The following FNDC1 variants were observed in gnomAD, a reference collection of about 807,000 sequenced individuals.
FNDC1 encodes fibronectin type III domain-containing protein 1.
FNDC1 carries 96 observed loss-of-function variants against 168.0 expected under a neutral mutation model. The ratio of observed to expected loss-of-function variants is 0.57; its 90% CI spans 0.48 to 0.68. The LOEUF (loss-of-function observed/expected upper bound fraction) is 0.68, where lower values mean the gene tolerates loss of function less well. Ranked by LOEUF, FNDC1 falls within the 30% of genes least tolerant of loss-of-function variation. The probability of loss-of-function intolerance (pLI) is 0.00; values close to 1 mark genes in which losing one functional copy is unlikely to be tolerated. For missense variants in FNDC1, 2,587 were observed against 2,482.1 expected (o/e 1.04, Z -0.90); for synonymous variants, 1,099 against 1,025.9 (o/e 1.07, Z -1.36).
chr6:159,231,919 T>C lies in FNDC1; in HGVS notation c.1407T>C (p.Asn469=), dbSNP rs1190922706. The C allele has an allele frequency of 1.2e-6, 2 of 1,612,616 alleles. No individual in the cohort carries two copies. Among genetic ancestry groups the C allele is most frequent in the Non-Finnish European group, 1.7e-6 (2 of 1,179,530 alleles). ...ATGTTGAGCAGAACACGGAGGACAA[T>C]GGGAAACCCGAAAAACCTGAGCCTT... ...KADVEQNTED[N]GKPEKPEPSS... is the part of the protein sequence containing the mutation. The change falls in exon 11 of 23, where the codon AAT becomes AAC. Residue 469 remains asparagine (N), a synonymous_variant. Transcript: ENST00000297267.
chr6:159,212,303 TAA>T (rs1275558938), intron 4 of FNDC1, among the ~76,000 whole-genome samples: 2 of 152,234 alleles, frequency 1.3e-5, no homozygotes, highest in Non-Finnish European at 2.9e-5. Flanking sequence ...GTTTTCAAGA[TAA>T]AAGACTTACA....
intron 1 of FNDC1, among the ~76,000 whole-genome samples, chr6:159,191,066 G>A (rs921352781): frequency 1.3e-5 from 2 of 152,164 alleles, no homozygotes; most frequent in Non-Finnish European, 2.9e-5. Flanking sequence ...GAACGTCTAC[G>A]ATGGTGGAGC....
chr6:159,191,536 A>G (rs866344502), intron 1 of FNDC1, among the ~76,000 whole-genome samples: 1 of 152,190 alleles, frequency 6.6e-6, no homozygotes, highest in Non-Finnish European at 1.5e-5. Context: ...TTGTTAGTGG[A>G]TTTTTTGAAA....
In FNDC1 at chr6:159,249,179, G is replaced by T. The variant is rs775610995; in HGVS notation, c.4831G>T (p.Val1611Phe). 8 of 1,608,854 alleles carry T rather than the reference G, an allele frequency of 5.0e-6. No individual in the cohort carries two copies. The highest frequency in any genetic ancestry group is 6.8e-6 in the Non-Finnish European group (8 of 1,178,154). Reference protein sequence around the residue: ...EFDLAGRKRFVAPYVTYLNKD... With the variant: ...EFDLAGRKRFFAPYVTYLNKD... The stretch of plus-strand genomic sequence containing the variant: ...TGATCTGGCTGGAAGGAAACGATTT[G>T]TTGGTAAATATAATGTCCTTAATCA... The change falls in exon 16 of 23, where the codon GTT becomes TTT. Residue 1611 changes from valine (V) to phenylalanine (F), a missense_variant. Coordinates refer to ENST00000297267, the MANE Select transcript of FNDC1 (RefSeq NM_032532.3).
Position 159,234,264 on chromosome 6 carries a change from C to A in FNDC1, c.3752C>A (p.Ser1251Tyr), listed in dbSNP as rs915463869. 16 of 1,593,380 alleles carry A rather than the reference C, an allele frequency of 1.0e-5. No individual in the cohort carries two copies. The highest frequency in any genetic ancestry group is 1.4e-5 in the Non-Finnish European group (16 of 1,170,126). ...KRPLPPPPGS[S>Y]PRASHVPSRL... is the part of the protein sequence containing the mutation. ...CCTCTCCCCCCACCTCCAGGCAGCTCCCCCAGGGCCTCCCACGTCCCTTCC... is the reference window on the plus strand; with the variant it reads ...CCTCTCCCCCCACCTCCAGGCAGCTACCCCAGGGCCTCCCACGTCCCTTCC... Residue 1251 changes from serine to tyrosine, a missense_variant, in exon 11 of 23, where the codon TCC (serine) becomes TAC (tyrosine). Physicochemically the swap from Ser to Tyr is moderately radical, Grantham distance 144. Coordinates refer to ENST00000297267, the MANE Select transcript of FNDC1 (RefSeq NM_032532.3).
In FNDC1 at chr6:159,233,271, A is replaced by G. The variant is rs372300998; in HGVS notation, c.2759A>G (p.His920Arg). The change falls in exon 11 of 23, where the codon CAT becomes CGT. Residue 920 changes from histidine (H) to arginine (R), a missense_variant. By Grantham distance (29) the His-to-Arg change is conservative. Transcript: ENST00000297267. This position sits in a 1 kb window ranked among gnomAD's most constrained non-coding sequence, Gnocchi z 4.6. Reference sequence around the variant, plus strand: ...AGCCCGCAGAGAGGGGCCAGCCTGCATCGGAAGGAACCCATCCCAGAGAAC... The same window carrying G: ...AGCCCGCAGAGAGGGGCCAGCCTGCGTCGGAAGGAACCCATCCCAGAGAAC... ...RRSPQRGASL[H>R]RKEPIPENPK... 4.3e-5 allele frequency: 70 copies of G among 1,613,972 alleles called. 1 individual carries two copies. In the African/African-American group the frequency reaches 7.9e-4, roughly 18 times the overall value.
intron 1 of FNDC1, among the ~76,000 whole-genome samples, chr6:159,188,460 C>T (rs1303464680): frequency 5.9e-5 from 9 of 151,316 alleles, no homozygotes; most frequent in Admixed American, 3.3e-4. Context: ...CTGCAAGCTC[C>T]GCCTCCCGGG....
rs1777258470 is a variant in FNDC1, at chr6:159,251,352, A to G, written c.4885A>G (p.Thr1629Ala). 1 of 1,613,850 alleles carries G rather than the reference A, an allele frequency of 6.2e-7. No individual in the cohort carries two copies. Residue 1629 changes from threonine (T) to alanine (A), a missense_variant, in exon 17 of 23, where the codon ACT becomes GCT. By Grantham distance (58) the Thr-to-Ala change is moderately conservative. Coordinates refer to ENST00000297267, the MANE Select transcript of FNDC1 (RefSeq NM_032532.3). The part of the protein sequence containing the change: ...NKDPSAPCSL[T>A]DALDHFQVDS... ...AGACCCATCAGCCCCGTGCTCTCTG[A>G]CTGATGCACTGGATCACTTCCAAGT...
intron 10 of FNDC1, among the ~76,000 whole-genome samples, chr6:159,230,257 ACAT>A (rs1783052324): frequency 2.0e-5 from 3 of 152,340 alleles, no homozygotes; most frequent in East Asian, 1.9e-4. Flanking sequence ...AATTAATCTG[ACAT>A]CATTATTTAA....
At chr6:159,180,867 A>G (rs1430621173) in intron 1 of FNDC1, among the ~76,000 whole-genome samples, 1 of 152,126 alleles carries the variant, frequency 6.6e-6, no homozygotes, top group Non-Finnish European at 1.5e-5. Context: ...CGCATTTTAA[A>G]ATCCAGTCTA....
Position 159,239,521 on chromosome 6 carries a change from G to A in FNDC1, c.4185G>A (p.Leu1395=). Residue 1395 remains leucine, a synonymous_variant, in exon 14 of 23, where the codon CTG becomes CTA. Coordinates refer to ENST00000297267, the MANE Select transcript of FNDC1 (RefSeq NM_032532.3). ...TATTGGTTGATTTTGTTTCAGATCTGGAAGGGACCCCCGTGGTGAGTCCTG... is the reference window on the plus strand; with the variant it reads ...TATTGGTTGATTTTGTTTCAGATCTAGAAGGGACCCCCGTGGTGAGTCCTG... ...LGGDGRTIVD[L]EGTPVVSPDG... 1 of 1,586,488 alleles carries A rather than the reference G, an allele frequency of 6.3e-7. No homozygotes were observed. Among genetic ancestry groups the A allele is most frequent in the Non-Finnish European group, 8.6e-7 (1 of 1,163,768 alleles).
At chr6:159,267,705 G>A (rs1777618589) in intron 21 of FNDC1, 99 bp from the exon 22 acceptor site, 4 of 1,270,724 alleles carry the variant, frequency 3.1e-6, no homozygotes, top group Admixed American at 4.3e-5. Flanking sequence ...TAAGTAATAT[G>A]CTGAATTCAA....
chr6:159,197,801 G>A (rs890805455), intron 2 of FNDC1, among the ~76,000 whole-genome samples, 176 bp downstream of exon 2: 8 of 152,194 alleles, frequency 5.3e-5, no homozygotes, highest in South Asian at 2.1e-4. Context: ...TTTGACAGCC[G>A]GTGTGGGACA....
chr6:159,258,168 A>G (rs1777412886), intron 18 of FNDC1, among the ~76,000 whole-genome samples: 1 of 152,196 alleles, frequency 6.6e-6, no homozygotes. Flanking sequence ...GAGAATGTGC[A>G]TGGCTCATTC....
At chr6:159,226,355 A>G in intron 8 of FNDC1, 118 bp from the exon 9 acceptor site, 1 of 720,062 alleles carries the variant, frequency 1.4e-6, no homozygotes, top group Non-Finnish European at 2.3e-6. Flanking sequence ...AGGTATAATA[A>G]AAATTAACAC....
In FNDC1 at chr6:159,232,524, C is replaced by T. The variant is rs764669149; in HGVS notation, c.2012C>T (p.Ser671Phe). Residue 671 changes from serine to phenylalanine, a missense_variant, in exon 11 of 23, where the codon TCC (serine) becomes TTC (phenylalanine). Ser to Phe is a radical substitution (Grantham distance 155, BLOSUM62 -2). Transcript: ENST00000297267. This position sits in a 1 kb window ranked among gnomAD's most constrained non-coding sequence, Gnocchi z 4.9. Reference sequence around the variant, plus strand: ...TTCGCCCAGCCCCGGCCAGCCCTGTCCCCCAGCCGCCAGTCCCCGTCCAGC... The same window carrying T: ...TTCGCCCAGCCCCGGCCAGCCCTGTTCCCCAGCCGCCAGTCCCCGTCCAGC... ...GAFAQPRPAL[S>F]PSRQSPSSVL... 2.5e-6 allele frequency: 4 copies of T among 1,612,198 alleles called. No homozygotes were observed. Among genetic ancestry groups the T allele is most frequent in the East Asian group, 2.2e-5 (1 of 44,846 alleles).
chr6:159,235,958 T>A (rs1211868544), intron 11 of FNDC1, among the ~76,000 whole-genome samples: 1 of 152,260 alleles, frequency 6.6e-6, no homozygotes, highest in Admixed American at 6.5e-5. Context: ...AATTTACTTA[T>A]GCCACACACT....
At chr6:159,197,714 C>T (rs1328070713) in intron 2 of FNDC1, 89 bp downstream of exon 2, 1 of 1,222,228 alleles carries the variant, frequency 8.2e-7, no homozygotes, top group African/African-American at 1.5e-5. Context: ...TGAGACAACC[C>T]ATGGCTGGGC....
intron 22 of FNDC1, 22 bp from the exon 23 acceptor site, chr6:159,271,305 C>T (rs1469258812): frequency 6.4e-7 from 1 of 1,559,782 alleles, no homozygotes; most frequent in Non-Finnish European, 8.7e-7. Flanking sequence ...GACGCTTTTC[C>T]CCTCTCCTGT....
Sources: gnomAD v4.1 joint callset for allele counts (sites outside exome capture counted in the v4.1 genomes callset) on GRCh38, gnomAD v4.1.1 for gene constraint, Gnocchi (gnomAD v3.1) non-coding constraint, MANE v1.5 for transcripts, NCBI Gene and HGNC (gene_info 2026-07-23, HGNC 2026-07-21) for gene names.